Variants in ZMIZ1 observed in about 807,000 individuals in gnomAD.
ZMIZ1 encodes the protein zinc finger MIZ-type containing 1.
In ZMIZ1, 17 loss-of-function variants were observed where a neutral mutation model predicts 113.9. That is an observed-to-expected ratio of 0.15 (90% confidence interval 0.10 to 0.22). The LOEUF (loss-of-function observed/expected upper bound fraction) is 0.22. Ranked by LOEUF, ZMIZ1 falls within the 10% of genes least tolerant of loss-of-function variation. The pLI is 1.00. For synonymous variants in ZMIZ1, 607 were observed against 603.1 expected (o/e 1.01, Z -0.09); for missense variants, 1,059 against 1,477.8 (o/e 0.72, Z 4.65).
chr10:79,201,137 G>A (rs1397537590), intron 4 of ZMIZ1, among the ~76,000 whole-genome samples: 4 of 152,094 alleles, frequency 2.6e-5, no homozygotes, highest in Non-Finnish European at 4.4e-5. Context: ...GTGAAACTCC[G>A]TCTCCACTAA....
At chr10:79,095,812 C>T (rs1192628751) in intron 1 of ZMIZ1, among the ~76,000 whole-genome samples, 1 of 152,190 alleles carries the variant, frequency 6.6e-6, no homozygotes, top group African/African-American at 2.4e-5. Context: ...AGATCCACAT[C>T]TTGGGGCTGC....
At chr10:79,185,877 G>A (rs1271664079) in intron 4 of ZMIZ1, among the ~76,000 whole-genome samples, 1 of 152,108 alleles carries the variant, frequency 6.6e-6, no homozygotes, top group African/African-American at 2.4e-5. Context: ...GTCCATTCCT[G>A]TCCATCATCT....
chr10:79,309,329 T>C (rs567356464), intron 23 of ZMIZ1, among the ~76,000 whole-genome samples: 2 of 149,974 alleles, frequency 1.3e-5, no homozygotes, highest in South Asian at 4.2e-4. Flanking sequence ...CCAGGGACTG[T>C]CTGTCTTGAG....
At chr10:79,240,387 G>T (rs1457946971) in intron 7 of ZMIZ1, among the ~76,000 whole-genome samples, 1 of 152,202 alleles carries the variant, frequency 6.6e-6, no homozygotes, top group African/African-American at 2.4e-5. Context: ...GGAAGTTGGA[G>T]AAGTGGAGTT....
chr10:79,175,802 G>GC (rs1163610574), intron 4 of ZMIZ1, among the ~76,000 whole-genome samples: 1 of 151,886 alleles, frequency 6.6e-6, no homozygotes, highest in Non-Finnish European at 1.5e-5. Context: ...CTTGCAGGCA[G>GC]CCCCGGCATT....
At chr10:79,267,917 C>T (rs1406244658) in intron 7 of ZMIZ1, among the ~76,000 whole-genome samples, 2 of 152,242 alleles carry the variant, frequency 1.3e-5, no homozygotes, top group Non-Finnish European at 2.9e-5. Context: ...TCTCCCGCCC[C>T]TCCCAAGCCC....
intron 7 of ZMIZ1, among the ~76,000 whole-genome samples, chr10:79,269,395 T>A (rs1376978548): frequency 6.6e-6 from 1 of 151,286 alleles, no homozygotes; most frequent in Non-Finnish European, 1.5e-5. Flanking sequence ...CCCCTCTGAG[T>A]GCTGCCCCAT....
chr10:79,116,124 A>G (rs1471586618), intron 1 of ZMIZ1, among the ~76,000 whole-genome samples: 1 of 151,232 alleles, frequency 6.6e-6, no homozygotes, highest in African/African-American at 2.4e-5. Flanking sequence ...CCCTTACTGC[A>G]CCCCCGGATT....
chr10:79,070,149 G>GC (rs1012136170), intron 1 of ZMIZ1, among the ~76,000 whole-genome samples: 2 of 151,652 alleles, frequency 1.3e-5, no homozygotes, highest in African/African-American at 4.9e-5. Context: ...CCGGGGTCGG[G>GC]GGGGGGAGGC....
intron 4 of ZMIZ1, among the ~76,000 whole-genome samples, chr10:79,173,185 G>A (rs939975351): frequency 1.3e-5 from 2 of 152,218 alleles, no homozygotes; most frequent in Admixed American, 1.3e-4. Context: ...CCTAGGGCAA[G>A]CTTGTCCAAC....
At chr10:79,116,364 G>A (rs1479479441) in intron 1 of ZMIZ1, among the ~76,000 whole-genome samples, 1 of 152,044 alleles carries the variant, frequency 6.6e-6, no homozygotes, top group African/African-American at 2.4e-5. Context: ...AGCTGCAGAG[G>A]CAGAAGAGAG....
In ZMIZ1 at chr10:79,069,094, G is replaced by T; in HGVS notation, c.-513G>T. 1.3e-5 allele frequency: 2 copies of T among 150,454 alleles called. No individual in the cohort carries two copies. Among genetic ancestry groups the T allele is most frequent in the South Asian group, 3.6e-4 (2 of 5,512 alleles). 9.3% of individuals were successfully genotyped at this position (150,454 alleles called of 1,614,324 possible). ...GCGGGCGAGCAGCGATCGGGCGGCC[G>T]AGCGAGCGAGCAACGCCGGCGCAGC... On this transcript the variant is annotated 5_prime_UTR_variant, in exon 1 of 25. Coordinates refer to ENST00000334512, the MANE Select transcript of ZMIZ1 (RefSeq NM_020338.4). The surrounding 1 kb of genome is among the most constrained non-coding windows in gnomAD (Gnocchi z 4.6).
intron 6 of ZMIZ1, 47 bp from the exon 7 acceptor site, chr10:79,216,122 G>T: frequency 7.2e-7 from 1 of 1,389,348 alleles, no homozygotes; most frequent in African/African-American, 1.5e-5. Flanking sequence ...ATATCCATTG[G>T]CTCTGGGCTC....
chr10:79,154,070 A>G (rs1162303806), intron 3 of ZMIZ1, among the ~76,000 whole-genome samples: 1 of 152,206 alleles, frequency 6.6e-6, no homozygotes, highest in Non-Finnish European at 1.5e-5. Flanking sequence ...CATGGGTATG[A>G]TGTCAGTTCA....
chr10:79,188,694 C>G (rs1215475609), intron 4 of ZMIZ1, among the ~76,000 whole-genome samples: 1 of 148,850 alleles, frequency 6.7e-6, no homozygotes, highest in Non-Finnish European at 1.5e-5. Flanking sequence ...CTGTGTCTCT[C>G]CTCCAGCCTC....
chr10:79,208,064 G>A (rs2132679910), intron 5 of ZMIZ1, among the ~76,000 whole-genome samples: 1 of 148,436 alleles, frequency 6.7e-6, no homozygotes, highest in South Asian at 2.1e-4. Flanking sequence ...TAGAGGTGGA[G>A]GTGAGGGTGG....
intron 1 of ZMIZ1, among the ~76,000 whole-genome samples, chr10:79,081,800 CACGAGTCCAAGGGGAAGGCCAGCACGT>C (rs1256489211): frequency 6.6e-6 from 1 of 152,256 alleles, no homozygotes. Context: ...GGGGCTGTCG[CACGAGTCCAAGGGGAAGGCCAGCACGT>C]TGCATGCTGT....
At chr10:79,077,500 G>A (rs185641257) in intron 1 of ZMIZ1, among the ~76,000 whole-genome samples, 25 of 149,854 alleles carry the variant, frequency 1.7e-4, no homozygotes, top group African/African-American at 5.9e-4. Context: ...GTGGGGAGGG[G>A]TGGGGTTTTC....
At chr10:79,135,410 T>C (rs1844957165) in intron 2 of ZMIZ1, among the ~76,000 whole-genome samples, 1 of 152,128 alleles carries the variant, frequency 6.6e-6, no homozygotes, top group Admixed American at 6.5e-5. Flanking sequence ...CTCCTAAAGG[T>C]AGTTTCACTG....
Sources: allele counts gnomAD v4.1 joint callset (sites outside exome capture counted in the v4.1 genomes callset), GRCh38; gene constraint gnomAD v4.1.1; non-coding constraint Gnocchi (gnomAD v3.1); transcripts MANE v1.5; gene names NCBI Gene and HGNC (gene_info 2026-07-23, HGNC 2026-07-21).